The following TMEM43 variants were observed in gnomAD, a reference collection of about 807,000 sequenced individuals.
The protein encoded by TMEM43 is arrhythmogenic right ventricular dysplasia 5.
Under a neutral mutation model 49.6 loss-of-function variants are expected in TMEM43, and 45 were observed. That is an observed-to-expected ratio of 0.91 (90% confidence interval 0.71 to 1.16). The LOEUF is 1.16. TMEM43 is among the 50% of genes most tolerant of loss of function. The pLI, the probability that TMEM43 is intolerant of heterozygous loss-of-function variation, is 0.00. For missense variants in TMEM43, 532 were observed against 516.6 expected, an observed-to-expected ratio of 1.03 and a Z score of -0.29; for synonymous variants, 199 against 207.8, an observed-to-expected ratio of 0.96 and a Z score of 0.36.
chr3:14,136,718 A>G (rs901684160), intron 10 of TMEM43, among the ~76,000 whole-genome samples: 1 of 149,684 alleles, frequency 6.7e-6, no homozygotes, highest in Non-Finnish European at 1.5e-5. Flanking sequence ...GGGGGGCTCC[A>G]CCAAAGTCTG....
chr3:14,130,703 G>T, intron 2 of TMEM43, 119 bp from the exon 3 acceptor site: 2 of 1,325,674 alleles, frequency 1.5e-6, no homozygotes, highest in African/African-American at 2.9e-5. Flanking sequence ...CAACTGTACG[G>T]TGGGGAGATG....
At chr3:14,125,763 G>A (rs1695011086) in intron 1 of TMEM43, among the ~76,000 whole-genome samples, 1 of 152,286 alleles carries the variant, frequency 6.6e-6, no homozygotes, top group East Asian at 1.9e-4. Flanking sequence ...TTGGGGGAGA[G>A]GGAGCATTTC....
chr3:14,131,444 A>G, intron 3 of TMEM43, 136 bp from the exon 4 acceptor site: 1 of 751,928 alleles, frequency 1.3e-6, no homozygotes, highest in South Asian at 1.5e-5. Flanking sequence ...CTCCCCTGCA[A>G]AGCAGTGTAG....
rs1181410480 is a variant in TMEM43, at chr3:14,141,721, C to T, written c.1129C>T (p.Leu377Phe). 3 of 1,614,192 alleles carry T rather than the reference C, an allele frequency of 1.9e-6. No homozygotes were observed. The highest frequency in any genetic ancestry group is 2.5e-6 in the Non-Finnish European group (3 of 1,180,038). The change falls in exon 12 of 12, where the codon CTC becomes TTC. Residue 377 changes from leucine to phenylalanine, a missense_variant. Coordinates refer to ENST00000306077, the MANE Select transcript of TMEM43 (RefSeq NM_024334.3). ...GWLFYRPLWA[L>F]LIAGLALVPI... Reference sequence around the variant, plus strand: ...GCTCTTCTACCGACCCCTGTGGGCCCTCCTCATTGCCGGCCTGGCCCTTGT... The same window carrying T: ...GCTCTTCTACCGACCCCTGTGGGCCTTCCTCATTGCCGGCCTGGCCCTTGT...
At chr3:14,135,608 C>G (rs1360069609) in intron 9 of TMEM43, among the ~76,000 whole-genome samples, 199 bp from the exon 10 acceptor site, 3 of 152,208 alleles carry the variant, frequency 2.0e-5, no homozygotes, top group African/African-American at 7.2e-5. Flanking sequence ...GCTTTGAATG[C>G]CTGGAGCTTT....
At chr3:14,130,441 G>GC (rs1695077639) in intron 2 of TMEM43, among the ~76,000 whole-genome samples, 1 of 152,104 alleles carries the variant, frequency 6.6e-6, no homozygotes, top group Non-Finnish European at 1.5e-5. Context: ...TTCGAAAGCA[G>GC]CCTGGGCAAC....
chr3:14,129,181 C>A, intron 1 of TMEM43: 2 of 438,756 alleles, frequency 4.6e-6, no homozygotes, highest in South Asian at 4.3e-5. Context: ...CACAAAGAAA[C>A]TTTTTGGGGT....
chr3:14,125,244 C>T, intron 1 of TMEM43, 39 bp downstream of exon 1: 4 of 1,590,708 alleles, frequency 2.5e-6, no homozygotes, highest in Non-Finnish European at 3.4e-6. Context: ...ACCCAGGCTT[C>T]CCCGTCGCCC....
chr3:14,139,362 C>T (rs1008160171), intron 11 of TMEM43, 65 bp downstream of exon 11: 2 of 1,171,302 alleles, frequency 1.7e-6, no homozygotes, highest in East Asian at 2.3e-5. Flanking sequence ...CTGCCTGTCG[C>T]ATCATCTCAG....
chr3:14,133,628 TG>T, intron 6 of TMEM43, 110 bp from the exon 7 acceptor site: 1 of 976,354 alleles, frequency 1.0e-6, no homozygotes, highest in South Asian at 1.3e-5. Flanking sequence ...TGGGCTAATC[TG>T]GACTTGCAGG....
chr3:14,132,767 C>T lies in TMEM43; in HGVS notation c.443-99C>T, dbSNP rs564825681. ...CCACCCATCCATTGAGGCTCCCTGA[C>T]CCACCCCTTTGGCTGTGAGATAGGA... On this transcript the variant is annotated intron_variant, in intron 5 of 11. Coordinates refer to ENST00000306077, the MANE Select transcript of TMEM43 (RefSeq NM_024334.3). 2.3e-5 allele frequency: 33 copies of T among 1,415,918 alleles called. 1 individual carries two copies. In the South Asian group the frequency reaches 3.4e-4, roughly 14 times the overall value. 87.7% of individuals were successfully genotyped at this position (1,415,918 alleles called of 1,614,324 possible).
rs1344127732 is a variant in TMEM43, at chr3:14,135,658, TC to T, written c.781-146del. 1.4e-5 allele frequency: 9 copies of T among 635,268 alleles called. No individual in the cohort carries two copies. In the African/African-American group the frequency reaches 1.5e-4, roughly 10 times the overall value. The allele number at this position is 635,268 out of a possible 1,614,324, so 39.4% of individuals were successfully genotyped here. A position where few individuals can be genotyped will look rare whatever the true frequency, so the allele number is the denominator to read the frequency against. On this transcript the variant is annotated intron_variant, in intron 9 of 11. Coordinates refer to ENST00000306077, the MANE Select transcript of TMEM43 (RefSeq NM_024334.3). ...AGCCAGAGCTGCAGAGGTGGATGCATCCCAGATGGATGTATAGAGAGAGAAG... is the reference window on the plus strand; with the variant it reads ...AGCCAGAGCTGCAGAGGTGGATGCATCCAGATGGATGTATAGAGAGAGAAG...
At chr3:14,128,741 A>T in intron 1 of TMEM43, 1 of 257,826 alleles carries the variant, frequency 3.9e-6, no homozygotes, top group Non-Finnish European at 7.8e-6. Context: ...TTAAACGTAC[A>T]TCTTCTTCAC....
At chr3:14,136,345 T>C (rs1048308522) in intron 10 of TMEM43, among the ~76,000 whole-genome samples, 2 of 152,188 alleles carry the variant, frequency 1.3e-5, no homozygotes, top group African/African-American at 4.8e-5. Flanking sequence ...GCTGAGTCTG[T>C]CATGAACCCT....
At chr3:14,132,450 TG>T in intron 4 of TMEM43, 95 bp from the exon 5 acceptor site, 1 of 1,307,420 alleles carries the variant, frequency 7.6e-7, no homozygotes, top group Non-Finnish European at 1.1e-6. Flanking sequence ...GAGTCTGATC[TG>T]GTAGCCCTGA....
intron 2 of TMEM43, 63 bp downstream of exon 2, chr3:14,129,624 G>T (rs1258773628): frequency 6.3e-7 from 1 of 1,583,078 alleles, no homozygotes; most frequent in South Asian, 1.1e-5. Context: ...GAGCAAAGGC[G>T]ATGAACCCGG....
chr3:14,129,699 C>T (rs1695067550), intron 2 of TMEM43, 138 bp downstream of exon 2: 2 of 954,592 alleles, frequency 2.1e-6, no homozygotes, highest in Middle Eastern at 3.0e-4. Flanking sequence ...GAGTTAATCA[C>T]AGTTCTTTCC....
In TMEM43 at chr3:14,134,793, T is replaced by C; in HGVS notation, c.607T>C (p.Phe203Leu). The C allele has an allele frequency of 6.2e-7, 1 of 1,614,148 alleles. No individual in the cohort carries two copies. The highest frequency in any genetic ancestry group is 8.5e-7 in the Non-Finnish European group (1 of 1,180,016). ...AGGCCTCATCGACAAAGTCGACAAC[T>C]TCAAGTCCCTGAGCCTATCCAAGCT... ...SSGLIDKVDN[F>L]KSLSLSKLED... The change falls in exon 8 of 12, where the codon TTC (phenylalanine) becomes CTC (leucine). Residue 203 changes from phenylalanine (F) to leucine (L), a missense_variant. Coordinates refer to ENST00000306077, the MANE Select transcript of TMEM43 (RefSeq NM_024334.3).
Position 14,135,147 on chromosome 3 carries a change from T to G in TMEM43, c.706-11T>G. On this transcript the variant is annotated splice_polypyrimidine_tract_variant and intron_variant, in intron 8 of 11. Transcript: ENST00000306077. ...CGTTCCTCACTCTCCCTGCTTCTCT[T>G]CCACCCCCAGGTGGGAGACTTGCGT... The G allele has an allele frequency of 1.2e-6, 2 of 1,610,620 alleles. No homozygotes were observed. The highest frequency in any genetic ancestry group is 1.7e-6 in the Non-Finnish European group (2 of 1,179,142).
Sources: gnomAD v4.1 joint callset for allele counts (sites outside exome capture counted in the v4.1 genomes callset) on GRCh38, gnomAD v4.1.1 for gene constraint, MANE v1.5 for transcripts, NCBI Gene and HGNC (gene_info 2026-07-23, HGNC 2026-07-21) for gene names.